The following FLG2 variants were observed in gnomAD, a reference collection of about 807,000 sequenced individuals.
The protein encoded by FLG2 is filaggrin 2.
Under a neutral mutation model 3.9 loss-of-function variants are expected in FLG2, and 7 were observed. That is an observed-to-expected ratio of 1.79 (90% confidence interval 1.02 to 3.36). The LOEUF (loss-of-function observed/expected upper bound fraction) is 3.36. FLG2 is among the 30% of genes most tolerant of loss of function. FLG2 has a pLI of 0.00. For missense variants in FLG2, 2,700 were observed against 2,809.4 expected (o/e 0.96, Z 0.88); for synonymous variants, 1,031 against 1,056.1 (o/e 0.98, Z 0.46).
Position 152,351,666 on chromosome 1 carries a change from T to G in FLG2, c.6120A>C (p.Ser2040=). The G allele has an allele frequency of 1.2e-6, 2 of 1,611,586 alleles. No individual in the cohort carries two copies. The highest frequency in any genetic ancestry group is 2.2e-5 in the South Asian group (2 of 90,806). The change falls in exon 3 of 3, where the codon TCA becomes TCC. Residue 2040 remains serine, a synonymous_variant. Transcript: ENST00000388718. ...GTCCTGAATGTGTGTGTGAGACCCCTGAGTGCCCTTCACTGTCACTGTACT... is the reference window on the plus strand; with the variant it reads ...GTCCTGAATGTGTGTGTGAGACCCCGGAGTGCCCTTCACTGTCACTGTACT... The part of the protein sequence containing the change: ...HSEYSDSEGH[S]GVSHTHSGHA...
Position 152,350,930 on chromosome 1 carries a change from GCTGT to G in FLG2, c.6852_6855del (p.Arg2284SerfsTer117), listed in dbSNP as rs757517293. ...AGTCTCCCATGAACTGTGGATCCTGGCTGTCTTTGTTGAGATCCAGCTTGGCCCT... is the reference window on the plus strand; with the variant it reads ...AGTCTCCCATGAACTGTGGATCCTGGCTTTGTTGAGATCCAGCTTGGCCCT... On this transcript the variant is annotated frameshift_variant, in exon 3 of 3. Transcript: ENST00000388718. LOFTEE classifies it low-confidence loss of function (END_TRUNC). 9.4e-5 allele frequency: 152 copies of G among 1,610,942 alleles called. No individual in the cohort carries two copies. Among genetic ancestry groups the G allele is most frequent in the Non-Finnish European group, 1.2e-4 (145 of 1,179,134 alleles).
rs537736592 is a variant in FLG2, at chr1:152,352,307, C to T, written c.5479G>A (p.Gly1827Ser). 27 of 1,613,538 alleles carry T rather than the reference C, an allele frequency of 1.7e-5. No homozygotes were observed. In the East Asian group the frequency reaches 3.3e-4, roughly 20 times the overall value. ...QRPHSRGHTH[G>S]QAGSQHGESE... is the part of the protein sequence containing the mutation. ...TCTCCATGTTGAGATCCAGCCTGGCCGTGAGTGTGTCCTCGTGAGTGTGGT... is the reference window on the plus strand; with the variant it reads ...TCTCCATGTTGAGATCCAGCCTGGCTGTGAGTGTGTCCTCGTGAGTGTGGT... The change falls in exon 3 of 3, where the codon GGC (glycine) becomes AGC (serine). Residue 1827 changes from glycine to serine, a missense_variant. Coordinates refer to ENST00000388718, the MANE Select transcript of FLG2 (RefSeq NM_001014342.3).
chr1:152,352,117 G>C lies in FLG2; in HGVS notation c.5669C>G (p.Ser1890Ter), dbSNP rs560025952. 2.5e-5 allele frequency: 40 copies of C among 1,613,372 alleles called. 1 individual carries two copies. The highest frequency in any genetic ancestry group is 3.4e-5 in the Non-Finnish European group (40 of 1,179,884). ...HSESSDSEVH[S>*]GGSHTHSGHT... ...TCCTGAATGTGTATGTGAGCCCCCTGAGTGCACTTCACTGTCACTGGACTC... is the reference window on the plus strand; with the variant it reads ...TCCTGAATGTGTATGTGAGCCCCCTCAGTGCACTTCACTGTCACTGGACTC... The change falls in exon 3 of 3, where the codon TCA becomes TGA. Residue 1890 changes from serine (S) to a stop codon, truncating the protein, a stop_gained. Transcript: ENST00000388718. LOFTEE classifies it low-confidence loss of function (END_TRUNC).
In FLG2 at chr1:152,350,122, A is replaced by C. The variant is rs1653852945; in HGVS notation, c.*488T>G. The C allele has an allele frequency of 5.9e-6, 1 of 168,984 alleles. No individual in the cohort carries two copies. Among genetic ancestry groups the C allele is most frequent in the Non-Finnish European group, 1.3e-5 (1 of 77,042 alleles). The allele number at this position is 168,984 out of a possible 1,614,324, so 10.5% of individuals were successfully genotyped here. A position where few individuals can be genotyped will look rare whatever the true frequency, so the allele number is the denominator to read the frequency against. On this transcript the variant is annotated 3_prime_UTR_variant, in exon 3 of 3. Transcript: ENST00000388718. Reference sequence around the variant, plus strand: ...TCTGGCAAAACCTGTGCTGGATCTTACCTGCCCATGAAAAGTTGTATCTCC... The same window carrying C: ...TCTGGCAAAACCTGTGCTGGATCTTCCCTGCCCATGAAAAGTTGTATCTCC...
chr1:152,351,297 T>C lies in FLG2; in HGVS notation c.6489A>G (p.Gly2163=), dbSNP rs774029898. Residue 2163 remains glycine, a synonymous_variant, in exon 3 of 3, where the codon GGA becomes GGG. Coordinates refer to ENST00000388718, the MANE Select transcript of FLG2 (RefSeq NM_001014342.3). ...TCCTGGAACCTGTCTGTGTGGACTG[T>C]CCATGACCAGACTGGCCATGTCTAG... is the stretch of plus-strand genomic sequence containing the variant. ...DTTRHGQSGH[G]QSTQTGSRTT... 2 of 1,614,028 alleles carry C rather than the reference T, an allele frequency of 1.2e-6. No homozygotes were observed. Among genetic ancestry groups the C allele is most frequent in the Non-Finnish European group, 8.5e-7 (1 of 1,180,000 alleles).
Position 152,354,837 on chromosome 1 carries a change from T to C in FLG2, c.2949A>G (p.Lys983=), listed in dbSNP as rs1441360851. 6.2e-7 allele frequency: 1 copy of C among 1,611,488 alleles called. No homozygotes were observed. The highest frequency in any genetic ancestry group is 8.5e-7 in the Non-Finnish European group (1 of 1,179,524). ...GFGQHESGSG[K]SSGFGQHESR... is the part of the protein sequence containing the mutation. ...ACTCATGCTGTCCAAAGCCAGAGGA[T>C]TTTCCTGAGCCTGACTCATGTTGTC... Residue 983 remains lysine, a synonymous_variant, in exon 3 of 3, where the codon AAA becomes AAG. Coordinates refer to ENST00000388718, the MANE Select transcript of FLG2 (RefSeq NM_001014342.3).
chr1:152,356,539 C>A lies in FLG2; in HGVS notation c.1247G>T (p.Cys416Phe), dbSNP rs754536982. The A allele has an allele frequency of 3.7e-6, 6 of 1,614,228 alleles. No individual in the cohort carries two copies. The highest frequency in any genetic ancestry group is 4.2e-6 in the Non-Finnish European group (5 of 1,180,050). Residue 416 changes from cysteine to phenylalanine, a missense_variant, in exon 3 of 3, where the codon TGT (cysteine) becomes TTT (phenylalanine). Coordinates refer to ENST00000388718, the MANE Select transcript of FLG2 (RefSeq NM_001014342.3). ...NSSSSNEFSK[C>F]DQYGSGSSQS... Reference sequence around the variant, plus strand: ...ACTTGAACCAGACCCATATTGATCACATTTGGAAAATTCATTTGAACTAGA... The same window carrying A: ...ACTTGAACCAGACCCATATTGATCAAATTTGGAAAATTCATTTGAACTAGA...
intron 2 of FLG2, among the ~76,000 whole-genome samples, chr1:152,358,039 T>C (rs76740990): frequency 6.8e-6 from 1 of 147,076 alleles, no homozygotes; most frequent in African/African-American, 2.6e-5. Context: ...TTTTTTTTTT[T>C]GAGATGGAGT....
In FLG2 at chr1:152,356,518, G is replaced by A; in HGVS notation, c.1268C>T (p.Ser423Leu). 1.2e-6 allele frequency: 2 copies of A among 1,614,202 alleles called. No homozygotes were observed. Among genetic ancestry groups the A allele is most frequent in the Non-Finnish European group, 1.7e-6 (2 of 1,180,036 alleles). ...FSKCDQYGSG[S>L]SQSTSFEQHG... Reference sequence around the variant, plus strand: ...TTGTTCAAAGCTAGTAGACTGACTTGAACCAGACCCATATTGATCACATTT... The same window carrying A: ...TTGTTCAAAGCTAGTAGACTGACTTAAACCAGACCCATATTGATCACATTT... Residue 423 changes from serine (S) to leucine (L), a missense_variant, in exon 3 of 3, where the codon TCA (serine) becomes TTA (leucine). Coordinates refer to ENST00000388718, the MANE Select transcript of FLG2 (RefSeq NM_001014342.3).
chr1:152,352,074 G>A lies in FLG2; in HGVS notation c.5712C>T (p.Ala1904=). The A allele has an allele frequency of 1.2e-6, 2 of 1,608,342 alleles. No homozygotes were observed. The highest frequency in any genetic ancestry group is 3.4e-5 in the Admixed American group (2 of 59,382). Residue 1904 remains alanine, a synonymous_variant, in exon 3 of 3, where the codon GCC becomes GCT. Coordinates refer to ENST00000388718, the MANE Select transcript of FLG2 (RefSeq NM_001014342.3). ...ATTCTGACTCTCCATGTTGAGACCT[G>A]GCTTGGCTGTGTGTGTGTCCTGAAT... ...HTHSGHTHSQ[A]RSQHGESEST... is the part of the protein sequence containing the mutation.
rs149417870 is a variant in FLG2, at chr1:152,355,702, T to C, written c.2084A>G (p.Gln695Arg). ...ESRSGHSSYG[Q>R]HGFGSSQSSG... ...TGATTGACTTGAGCCAAAACCATGT[T>C]GGCCATAGCTAGAATGACCTGATCT... The change falls in exon 3 of 3, where the codon CAA becomes CGA. Residue 695 changes from glutamine to arginine, a missense_variant. By Grantham distance (43) the Gln-to-Arg change is conservative. Coordinates refer to ENST00000388718, the MANE Select transcript of FLG2 (RefSeq NM_001014342.3). 1 of 1,613,866 alleles carries C rather than the reference T, an allele frequency of 6.2e-7. No homozygotes were observed. The highest frequency in any genetic ancestry group is 1.7e-5 in the Admixed American group (1 of 59,982).
In FLG2 at chr1:152,353,030, A is replaced by G. The variant is rs141953432; in HGVS notation, c.4756T>C (p.Ser1586Pro). Residue 1586 changes from serine (S) to proline (P), a missense_variant, in exon 3 of 3, where the codon TCA (serine) becomes CCA (proline). By Grantham distance (74) the Ser-to-Pro change is moderately conservative. Coordinates refer to ENST00000388718, the MANE Select transcript of FLG2 (RefSeq NM_001014342.3). ...HSESTDSEVH[S>P]GGSHRPHSRE... Reference sequence around the variant, plus strand: ...GAGTGTGGTCTGTGTGAGCCCCCTGAGTGCACTTCACTGTCAGTGGACTCA... The same window carrying G: ...GAGTGTGGTCTGTGTGAGCCCCCTGGGTGCACTTCACTGTCAGTGGACTCA... The G allele has an allele frequency of 5.0e-6, 8 of 1,612,372 alleles. No homozygotes were observed. In the African/African-American group the frequency reaches 1.1e-4, roughly 22 times the overall value.
rs138803355 is a variant in FLG2 at position 152,355,349 on chromosome 1, C to T, written c.2437G>A (p.Gly813Ser). ...QSTGFGQYGS[G>S]SGQSAGFGQH... ...CCAAAGCCAGCGGACTGACCTGAGCCTGATCCATATTGGCCAAAGCCAGTG... is the reference window on the plus strand; with the variant it reads ...CCAAAGCCAGCGGACTGACCTGAGCTTGATCCATATTGGCCAAAGCCAGTG... The change falls in exon 3 of 3, where the codon GGC becomes AGC. Residue 813 changes from glycine (G) to serine (S), a missense_variant. Coordinates refer to ENST00000388718, the MANE Select transcript of FLG2 (RefSeq NM_001014342.3). 23 of 1,613,676 alleles carry T rather than the reference C, an allele frequency of 1.4e-5. No individual in the cohort carries two copies. In the African/African-American group the frequency reaches 2.5e-4, roughly 18 times the overall value.
chr1:152,356,771 C>T lies in FLG2; in HGVS notation c.1015G>A (p.Gly339Ser), dbSNP rs760798331. 2.7e-5 allele frequency: 44 copies of T among 1,613,932 alleles called. 1 individual carries two copies. The South Asian group carries it at 4.7e-4, about 17-fold the overall frequency. Residue 339 changes from glycine (G) to serine (S), a missense_variant, in exon 3 of 3, where the codon GGT (glycine) becomes AGT (serine). By Grantham distance (56) the Gly-to-Ser change is moderately conservative. Transcript: ENST00000388718. ...CTACAGGGGTTAGACTCAGGTTGAC[C>T]ACATCCAGAGGGCTGACCTCCTGAG... The part of the protein sequence containing the change: ...CVSGGQPSGC[G>S]QPESNPCSQS...
Position 152,351,649 on chromosome 1 carries a change from T to A in FLG2, c.6137A>T (p.His2046Leu). The stretch of plus-strand genomic sequence containing the variant: ...GGCTTGGCCATGAGCGTGTCCTGAA[T>A]GTGTGTGTGAGACCCCTGAGTGCCC... ...SEGHSGVSHT[H>L]SGHAHGQAGS... Residue 2046 changes from histidine to leucine, a missense_variant, in exon 3 of 3, where the codon CAT becomes CTT. His to Leu is a moderately conservative substitution (Grantham distance 99). Coordinates refer to ENST00000388718, the MANE Select transcript of FLG2 (RefSeq NM_001014342.3). 1.9e-6 allele frequency: 3 copies of A among 1,611,590 alleles called. No homozygotes were observed. The South Asian group carries it at 3.3e-5, about 18-fold the overall frequency.
Position 152,354,304 on chromosome 1 carries a change from C to T in FLG2, c.3482G>A (p.Ser1161Asn). The change falls in exon 3 of 3, where the codon AGT becomes AAT. Residue 1161 changes from serine to asparagine, a missense_variant. Ser to Asn is a conservative substitution (Grantham distance 46). Coordinates refer to ENST00000388718, the MANE Select transcript of FLG2 (RefSeq NM_001014342.3). ...ATGTTGGCCACAGCCAGATGATTGA[C>T]TGGAGCCAGTACCATGTTGGCCATA... ...SSYGQHGTGS[S>N]QSSGCGQHES... is the part of the protein sequence containing the mutation. 6.2e-7 allele frequency: 1 copy of T among 1,614,210 alleles called. No homozygotes were observed. The highest frequency in any genetic ancestry group is 1.7e-5 in the Admixed American group (1 of 60,034).
rs779214118 is a variant in FLG2 at position 152,351,542 on chromosome 1, G to A, written c.6244C>T (p.His2082Tyr). ...GACTGTCCATGACCAGAGTGAGCAT[G>A]TCTAGTGGTATCTCCTGTCTGTCCA... ...THGQTGDTTRHAHSGHGQSTQ... is the reference protein window; with the variant it reads ...THGQTGDTTRYAHSGHGQSTQ... The change falls in exon 3 of 3, where the codon CAT becomes TAT. Residue 2082 changes from histidine (H) to tyrosine (Y), a missense_variant. By Grantham distance (83) the His-to-Tyr change is moderately conservative. Transcript: ENST00000388718. The A allele has an allele frequency of 5.0e-6, 8 of 1,612,416 alleles. No homozygotes were observed. The highest frequency in any genetic ancestry group is 5.9e-6 in the Non-Finnish European group (7 of 1,179,664).
Position 152,358,730 on chromosome 1 carries a change from T to C in FLG2, c.138+17A>G. ...ACAGGACTCCAGCAGCCTTCAGTTC[T>C]GGCACATGGCTCTCACCTTCAGAAC... On this transcript the variant is annotated intron_variant, in intron 2 of 2. Transcript: ENST00000388718. 3.1e-6 allele frequency: 5 copies of C among 1,610,072 alleles called. No individual in the cohort carries two copies. Among genetic ancestry groups the C allele is most frequent in the Non-Finnish European group, 4.2e-6 (5 of 1,178,508 alleles).
chr1:152,353,090 A>C lies in FLG2; in HGVS notation c.4696T>G (p.Ser1566Ala). 6.2e-7 allele frequency: 1 copy of C among 1,612,204 alleles called. No homozygotes were observed. Among genetic ancestry groups the C allele is most frequent in the Non-Finnish European group, 8.5e-7 (1 of 1,179,618 alleles). Residue 1566 changes from serine (S) to alanine (A), a missense_variant, in exon 3 of 3, where the codon TCC becomes GCC. Transcript: ENST00000388718. ...GTTCTCTGTCTTCCAGTTGTCCTGG[A>C]CCCTGTCTGTGTGGTTTGTTCATGA... ...SGHEQTTQTG[S>A]RTTGRQRTSH...
Sources: allele counts gnomAD v4.1 joint callset (sites outside exome capture counted in the v4.1 genomes callset), GRCh38; gene constraint gnomAD v4.1.1; transcripts MANE v1.5; gene names NCBI Gene and HGNC (gene_info 2026-07-23, HGNC 2026-07-21).